CACHD1: variants seen among roughly 807,000 people sequenced by gnomAD.
CACHD1 encodes the protein VWFA and cache domain-containing protein 1.
In CACHD1, 71 loss-of-function variants were observed where a neutral mutation model predicts 138.7. The observed-to-expected ratio is 0.51, with a 90% CI of 0.42 to 0.62. The LOEUF (loss-of-function observed/expected upper bound fraction) is 0.62. Among genes scored for constraint, CACHD1 ranks in the 20% least tolerant of loss-of-function variants. CACHD1 has a pLI of 0.00. For missense variants in CACHD1, 1,389 were observed against 1,625.3 expected (o/e 0.85, Z 2.50); for synonymous variants, 578 against 591.5 (o/e 0.98, Z 0.33).
At position 64,671,702 on chromosome 1, in the gene CACHD1, A is replaced by T; in HGVS notation, c.2510+16A>T. The T allele has an allele frequency of 6.2e-7, 1 of 1,613,790 alleles. No individual in the cohort carries two copies. The highest frequency in any genetic ancestry group is 8.5e-7 in the Non-Finnish European group (1 of 1,179,770). ...ACAAAATAAGGTAAGTGCTTTGGGG[A>T]TGCTATTTCCTTTCTAGCTGCAGTT... is the stretch of plus-strand genomic sequence containing the variant. On this transcript the variant is annotated intron_variant, in intron 17 of 26. Transcript: ENST00000651257.
chr1:64,666,872 A>AAAGAG lies in CACHD1; in HGVS notation c.2387+705_2387+706insAAGAG, dbSNP rs146557306. ...TCAAAAAAAAAAAAAAAAAAAAAAA[A>AAAGAG]CGAGAAAGAAAAAGTACCAAGATAT... is the stretch of plus-strand genomic sequence containing the variant. On this transcript the variant is annotated intron_variant, in intron 16 of 26. Transcript: ENST00000651257. 4.6e-3 allele frequency among the ~76,000 whole-genome samples: 640 copies of AAAGAG among 137,932 alleles called. 25 individuals carry two copies. Among genetic ancestry groups the AAAGAG allele is most frequent in the East Asian group, 0.023 (87 of 3,784 alleles). 90.5% of individuals were successfully genotyped at this position (137,932 alleles called of 152,430 possible). A position where few individuals can be genotyped will look rare whatever the true frequency, so the allele number is the denominator to read the frequency against.
At position 64,470,863 on chromosome 1, in the gene CACHD1, C is replaced by G; in HGVS notation, c.119C>G (p.Ser40Cys). The change falls in exon 1 of 27, where the codon TCC becomes TGC. Residue 40 changes from serine (S) to cysteine (C), a missense_variant. Ser to Cys is a moderately radical substitution (Grantham distance 112). Coordinates refer to ENST00000651257, the MANE Select transcript of CACHD1 (RefSeq NM_020925.4). The surrounding 1 kb of genome is among the most constrained non-coding windows in gnomAD (Gnocchi z 5.2). ...LLGAGAEADF[S>C]ILDEAQVLAS... ...GGCGCCGGGGCCGAAGCCGACTTCTCCATCCTGGACGAGGCGCAAGTGCTG... is the reference window on the plus strand; with the variant it reads ...GGCGCCGGGGCCGAAGCCGACTTCTGCATCCTGGACGAGGCGCAAGTGCTG... 2 of 1,602,626 alleles carry G rather than the reference C, an allele frequency of 1.2e-6. No homozygotes were observed. Among genetic ancestry groups the G allele is most frequent in the East Asian group, 4.5e-5 (2 of 44,568 alleles).
chr1:64,476,471 G>T (rs750825949), intron 1 of CACHD1, among the ~76,000 whole-genome samples: 9 of 152,166 alleles, frequency 5.9e-5, no homozygotes, highest in East Asian at 1.9e-4. Context: ...GAATATTTTC[G>T]AAGGAAAAAT....
chr1:64,609,987 C>T (rs774337304), intron 4 of CACHD1, among the ~76,000 whole-genome samples: 3 of 149,762 alleles, frequency 2.0e-5, no homozygotes, highest in Non-Finnish European at 3.0e-5. Flanking sequence ...ACAATCATGA[C>T]TGAAGGGGAA....
chr1:64,529,225 G>A (rs148802124), intron 1 of CACHD1, among the ~76,000 whole-genome samples: 116 of 152,260 alleles, frequency 7.6e-4, no homozygotes, highest in African/African-American at 2.7e-3. Context: ...ATAACTTTCA[G>A]TAACTATGCT....
intron 3 of CACHD1, among the ~76,000 whole-genome samples, chr1:64,601,768 A>T (rs561259990): frequency 6.6e-6 from 1 of 152,266 alleles, no homozygotes; most frequent in South Asian, 2.1e-4. Context: ...TAGCTTCTCT[A>T]TTTGGGTTCA....
intron 13 of CACHD1, among the ~76,000 whole-genome samples, chr1:64,661,548 A>T (rs910365444): frequency 6.6e-6 from 1 of 151,798 alleles, no homozygotes; most frequent in African/African-American, 2.4e-5. Flanking sequence ...TGCCTTTGAC[A>T]CTTCTTATAT....
chr1:64,663,553 A>C, intron 13 of CACHD1, 142 bp from the exon 14 acceptor site: 1 of 971,874 alleles, frequency 1.0e-6, no homozygotes, highest in Non-Finnish European at 1.4e-6. Context: ...TCCATCTGAA[A>C]AAAAAAAAAA....
At chr1:64,477,629 A>ATTT (rs771584890) in intron 1 of CACHD1, among the ~76,000 whole-genome samples, 1 of 114,846 alleles carries the variant, frequency 8.7e-6, no homozygotes, top group African/African-American at 4.3e-5. Context: ...TTATTATTTT[A>ATTT]TTTTATTTTT....
chr1:64,549,069 C>G (rs1241857816), intron 1 of CACHD1, among the ~76,000 whole-genome samples: 1 of 152,062 alleles, frequency 6.6e-6, no homozygotes, highest in Non-Finnish European at 1.5e-5. Flanking sequence ...ATCTTTAAAG[C>G]TACAGTAATT....
intron 1 of CACHD1, among the ~76,000 whole-genome samples, chr1:64,542,717 T>G (rs1427287989): frequency 6.6e-6 from 1 of 152,210 alleles, no homozygotes; most frequent in East Asian, 1.9e-4. Flanking sequence ...TCTATTAAAC[T>G]CTATTAAAGA....
chr1:64,675,468 C>A lies in CACHD1; in HGVS notation c.2795C>A (p.Thr932Asn), dbSNP rs1303116989. ...SKYRLARIPG[T>N]NAFVGIVNET... ...TACAGATTAGCAAGGATCCCAGGAACCAACGCGTTTGTTGGCATTGTCAAC... is the reference window on the plus strand; with the variant it reads ...TACAGATTAGCAAGGATCCCAGGAAACAACGCGTTTGTTGGCATTGTCAAC... The change falls in exon 20 of 27, where the codon ACC becomes AAC. Residue 932 changes from threonine to asparagine, a missense_variant. Physicochemically the swap from Thr to Asn is moderately conservative, Grantham distance 65. Transcript: ENST00000651257. 1.2e-6 allele frequency: 2 copies of A among 1,613,810 alleles called. No homozygotes were observed. The highest frequency in any genetic ancestry group is 1.7e-6 in the Non-Finnish European group (2 of 1,179,748).
intron 2 of CACHD1, among the ~76,000 whole-genome samples, chr1:64,555,012 T>C (rs1376310806): frequency 6.6e-6 from 1 of 152,164 alleles, no homozygotes; most frequent in Admixed American, 6.5e-5. Context: ...GGTTTTGAGA[T>C]AGGGTTTTGC....
intron 19 of CACHD1, among the ~76,000 whole-genome samples, chr1:64,673,933 A>G (rs886795693): frequency 1.3e-5 from 2 of 152,152 alleles, no homozygotes; most frequent in African/African-American, 4.8e-5. Flanking sequence ...TTTTTAGCTT[A>G]GAGTACTCTG....
At chr1:64,499,819 A>G (rs918743764) in intron 1 of CACHD1, among the ~76,000 whole-genome samples, 1 of 152,206 alleles carries the variant, frequency 6.6e-6, no homozygotes, top group Non-Finnish European at 1.5e-5. Flanking sequence ...ACATATTACT[A>G]TGTTACAGCT....
At chr1:64,640,701 AC>A (rs1648680501) in intron 7 of CACHD1, among the ~76,000 whole-genome samples, 1 of 11,470 alleles carries the variant, frequency 8.7e-5, no homozygotes, top group Non-Finnish European at 4.4e-4. Flanking sequence ...AGACACACAC[AC>A]ACACACACAC....
At chr1:64,645,722 G>A (rs989634810) in intron 8 of CACHD1, among the ~76,000 whole-genome samples, 15 of 152,102 alleles carry the variant, frequency 9.9e-5, no homozygotes, top group African/African-American at 2.7e-4. Context: ...GCCAGCCCCC[G>A]TGCATGCTCA....
At chr1:64,541,057 G>A (rs1478336694) in intron 1 of CACHD1, among the ~76,000 whole-genome samples, 1 of 152,194 alleles carries the variant, frequency 6.6e-6, no homozygotes. Flanking sequence ...GAGAGGGAAG[G>A]AAAAATGGAA....
At chr1:64,583,864 C>T (rs1647030999) in intron 3 of CACHD1, among the ~76,000 whole-genome samples, 2 of 152,118 alleles carry the variant, frequency 1.3e-5, no homozygotes, top group Admixed American at 6.5e-5. Context: ...AAAACCCACC[C>T]ACCGATTCAA....
Sources: gnomAD v4.1 joint callset for allele counts (sites outside exome capture counted in the v4.1 genomes callset) on GRCh38, gnomAD v4.1.1 for gene constraint, Gnocchi (gnomAD v3.1) non-coding constraint, MANE v1.5 for transcripts, NCBI Gene and HGNC (gene_info 2026-07-23, HGNC 2026-07-21) for gene names.